Variants in QSER1 observed in about 807,000 individuals in gnomAD.
QSER1 encodes glutamine and serine rich 1.
Under a neutral mutation model 158.5 loss-of-function variants are expected in QSER1, and 49 were observed. The ratio of observed to expected loss-of-function variants is 0.31; its 90% confidence interval spans 0.25 to 0.39. The LOEUF is 0.39. QSER1 is among the 10% of genes least tolerant of loss of function. QSER1 has a pLI of 1.00. For missense variants in QSER1, 1,754 were observed against 2,010.3 expected, an observed-to-expected ratio of 0.87 and a Z score of 2.44; for synonymous variants, 650 against 715.5, an observed-to-expected ratio of 0.91 and a Z score of 1.46.
chr11:32,916,140 A>T (rs1851827875), intron 1 of QSER1, among the ~76,000 whole-genome samples: 1 of 152,152 alleles, frequency 6.6e-6, no homozygotes, highest in Admixed American at 6.5e-5. Context: ...ACCTCAGGTG[A>T]TCCGCCTGCC....
intron 10 of QSER1, among the ~76,000 whole-genome samples, chr11:32,971,649 G>A (rs756885394): frequency 4.6e-5 from 7 of 152,182 alleles, no homozygotes; most frequent in African/African-American, 9.7e-5. Flanking sequence ...AACGAAGCTC[G>A]AACGTGATGG....
Position 32,941,544 on chromosome 11 carries a change from C to T in QSER1, c.4177+6109C>T, listed in dbSNP as rs186331413. Among the ~76,000 whole-genome samples the T allele has an allele frequency of 8.6e-3, 1,311 of 152,048 alleles. 19 individuals carry two copies. The highest frequency in any genetic ancestry group is 0.029 in the African/African-American group (1,186 of 41,436). On this transcript the variant is annotated intron_variant, in intron 4 of 12. Coordinates refer to ENST00000650167, the MANE Select transcript of QSER1 (RefSeq NM_001076786.3). ...ATGATTTCCAATTTCATCCATGTCC[C>T]TACAAAGGACACGAACTCATCATTT...
chr11:32,901,395 C>T (rs1043687307), intron 1 of QSER1, among the ~76,000 whole-genome samples: 1 of 152,062 alleles, frequency 6.6e-6, no homozygotes, highest in Admixed American at 6.5e-5. Context: ...AATTCAGGGA[C>T]TTAGTGGGGA....
chr11:32,949,783 G>A (rs150910945), intron 4 of QSER1, among the ~76,000 whole-genome samples: 2 of 152,300 alleles, frequency 1.3e-5, no homozygotes, highest in Non-Finnish European at 2.9e-5. Flanking sequence ...CCCTTGAGTG[G>A]GAAATGTATA....
At chr11:32,952,847 C>T (rs903976132) in intron 4 of QSER1, among the ~76,000 whole-genome samples, 3 of 147,062 alleles carry the variant, frequency 2.0e-5, no homozygotes, top group Non-Finnish European at 4.5e-5. Flanking sequence ...CTTTTGCCCA[C>T]GCTGTAGTGC....
At chr11:32,910,789 T>C (rs1002661552) in intron 1 of QSER1, among the ~76,000 whole-genome samples, 2 of 152,218 alleles carry the variant, frequency 1.3e-5, no homozygotes, top group East Asian at 3.8e-4. Flanking sequence ...ATCTAGGCCA[T>C]AAATTAGGAT....
intron 1 of QSER1, among the ~76,000 whole-genome samples, chr11:32,909,588 C>T (rs989356042): frequency 5.9e-5 from 9 of 152,028 alleles, no homozygotes; most frequent in African/African-American, 2.2e-4. Context: ...TACAGGCGCA[C>T]ACCACCATGC....
intron 10 of QSER1, among the ~76,000 whole-genome samples, chr11:32,972,538 C>T (rs532640725): frequency 1.4e-4 from 21 of 152,054 alleles, no homozygotes; most frequent in African/African-American, 2.7e-4. Flanking sequence ...CGAGTTCAAG[C>T]GATTCTCTTA....
intron 1 of QSER1, among the ~76,000 whole-genome samples, chr11:32,925,714 G>GTTT (rs1851960926): frequency 1.3e-5 from 2 of 151,932 alleles, no homozygotes; most frequent in African/African-American, 4.8e-5. Flanking sequence ...TTTTAGTAGA[G>GTTT]ATGGGGTTTT....
Position 32,935,080 on chromosome 11 carries a change from C to A in QSER1, c.3822C>A (p.Val1274=). The change falls in exon 4 of 13, where the codon GTC becomes GTA. Residue 1274 remains valine, a synonymous_variant. Transcript: ENST00000650167. ...IKEVEEKQPE[V]KTGFIASFLD... Reference sequence around the variant, plus strand: ...AGGTGGAGGAAAAACAACCAGAAGTCAAAACAGGATTTATTGCTTCTTTCT... The same window carrying A: ...AGGTGGAGGAAAAACAACCAGAAGTAAAAACAGGATTTATTGCTTCTTTCT... 2 of 1,614,048 alleles carry A rather than the reference C, an allele frequency of 1.2e-6. No individual in the cohort carries two copies. Among genetic ancestry groups the A allele is most frequent in the South Asian group, 2.2e-5 (2 of 91,072 alleles).
chr11:32,926,786 C>A (rs968734137), intron 1 of QSER1: 5 of 151,998 alleles, frequency 3.3e-5, no homozygotes, highest in Non-Finnish European at 7.4e-5. Context: ...TGAAATTAGT[C>A]CAACAATAAT....
At chr11:32,975,950 C>T (rs779878159) in intron 12 of QSER1, among the ~76,000 whole-genome samples, 1 of 152,110 alleles carries the variant, frequency 6.6e-6, no homozygotes, top group Non-Finnish European at 1.5e-5. Context: ...GGGTCCAAGG[C>T]TATATCTAAT....
At chr11:32,921,820 T>C (rs1590723431) in intron 1 of QSER1, among the ~76,000 whole-genome samples, 1 of 152,344 alleles carries the variant, frequency 6.6e-6, no homozygotes, top group East Asian at 1.9e-4. Flanking sequence ...AGAACAAATT[T>C]GGAAGATTTG....
chr11:32,909,915 G>C (rs1851745198), intron 1 of QSER1, among the ~76,000 whole-genome samples: 1 of 152,066 alleles, frequency 6.6e-6, no homozygotes, highest in Non-Finnish European at 1.5e-5. Context: ...TTGTGTAGCA[G>C]GTAGCTATGT....
chr11:32,962,261 T>C (rs1327154134), intron 8 of QSER1, among the ~76,000 whole-genome samples: 4 of 152,340 alleles, frequency 2.6e-5, no homozygotes, highest in African/African-American at 9.6e-5. Flanking sequence ...GAGCATTTTT[T>C]CCATGTCCTG....
At position 32,975,104 on chromosome 11, in the gene QSER1, T is replaced by C. The variant is rs1852948808; in HGVS notation, c.5359-144T>C. The stretch of plus-strand genomic sequence containing the variant: ...TTTAAATTCTTATTTTGAATAAGTC[T>C]CTCCATATTAACCCAACTGAATACC... On this transcript the variant is annotated intron_variant, in intron 11 of 12. Coordinates refer to ENST00000650167, the MANE Select transcript of QSER1 (RefSeq NM_001076786.3). 4 of 427,274 alleles carry C rather than the reference T, an allele frequency of 9.4e-6. No individual in the cohort carries two copies. In the Admixed American group the frequency reaches 1.7e-4, roughly 18 times the overall value. 26.5% of individuals were successfully genotyped at this position (427,274 alleles called of 1,614,324 possible). A position where few individuals can be genotyped will look rare whatever the true frequency, so the allele number is the denominator to read the frequency against.
At chr11:32,922,973 A>T (rs1447910861) in intron 1 of QSER1, among the ~76,000 whole-genome samples, 1 of 152,182 alleles carries the variant, frequency 6.6e-6, no homozygotes. Flanking sequence ...GTGAAATTAA[A>T]ACTTATGTTC....
Position 32,973,405 on chromosome 11 carries a change from G to T in QSER1, c.5214G>T (p.Leu1738Phe). The T allele has an allele frequency of 6.2e-7, 1 of 1,613,228 alleles. No homozygotes were observed. The highest frequency in any genetic ancestry group is 8.5e-7 in the Non-Finnish European group (1 of 1,179,728). The change falls in exon 11 of 13, where the codon TTG becomes TTT. Residue 1738 changes from leucine (L) to phenylalanine (F), a missense_variant. Coordinates refer to ENST00000650167, the MANE Select transcript of QSER1 (RefSeq NM_001076786.3). ...GCTTCATTGTTTTCCAGAATGCTTTGGAAAGTTTTCCTGAACTAACAATAA... is the reference window on the plus strand; with the variant it reads ...GCTTCATTGTTTTCCAGAATGCTTTTGAAAGTTTTCCTGAACTAACAATAA... ...LHLDQSFKNA[L>F]ESFPELTIIT...
At chr11:32,896,060 G>T (rs535639179) in intron 1 of QSER1, among the ~76,000 whole-genome samples, 1 of 152,286 alleles carries the variant, frequency 6.6e-6, no homozygotes, top group South Asian at 2.1e-4. Context: ...GCTAATTTCA[G>T]TTCGTTTTAG....
Sources: allele counts gnomAD v4.1 joint callset (sites outside exome capture counted in the v4.1 genomes callset), GRCh38; gene constraint gnomAD v4.1.1; transcripts MANE v1.5; gene names NCBI Gene and HGNC (gene_info 2026-07-23, HGNC 2026-07-21).